WWC2: variants seen among roughly 807,000 people sequenced by gnomAD.
WWC2 encodes the protein protein WWC2.
WWC2 carries 101 observed loss-of-function variants against 138.5 expected under a neutral mutation model. The observed-to-expected ratio is 0.73, with a 90% CI of 0.62 to 0.86. The LOEUF is 0.86. Ranked by LOEUF, WWC2 falls within the 40% of genes least tolerant of loss-of-function variation. The probability of loss-of-function intolerance (pLI) is 0.00; values close to 1 mark genes in which losing one functional copy is unlikely to be tolerated. For synonymous variants in WWC2, 558 were observed against 538.4 expected (o/e 1.04, Z -0.50); for missense variants, 1,420 against 1,419.4 (o/e 1.00, Z -0.01).
At chr4:183,280,239 T>TG (rs1738022274) in intron 16 of WWC2, among the ~76,000 whole-genome samples, 6 of 147,072 alleles carry the variant, frequency 4.1e-5, no homozygotes, top group African/African-American at 1.3e-4. Context: ...GTTTTTTTTT[T>TG]TTTTTTTTTT....
intron 17 of WWC2, among the ~76,000 whole-genome samples, chr4:183,281,633 A>G (rs1738080079): frequency 1.3e-5 from 2 of 152,220 alleles, no homozygotes; most frequent in African/African-American, 4.8e-5. Flanking sequence ...GTGTGTATAT[A>G]GAAAACTTTT....
At chr4:183,255,350 G>A (rs1331864106) in intron 9 of WWC2, among the ~76,000 whole-genome samples, 1 of 152,146 alleles carries the variant, frequency 6.6e-6, no homozygotes. Context: ...GAAGGCAAGG[G>A]AGAATTAATT....
Position 183,106,418 on chromosome 4 carries a change from A to C in WWC2, c.131+6796A>C, listed in dbSNP as rs1743363137. 2.0e-5 allele frequency among the ~76,000 whole-genome samples: 3 copies of C among 152,248 alleles called. No homozygotes were observed. The South Asian group carries it at 6.2e-4, about 32-fold the overall frequency. On this transcript the variant is annotated intron_variant, in intron 1 of 22. Transcript: ENST00000403733. ...TTATTTTATCTTTATTAGATTAAAA[A>C]AATTCCTCAGCATAAAATTATTCAT...
chr4:183,271,224 G>A lies in WWC2; in HGVS notation c.2545G>A (p.Val849Ile), dbSNP rs781193913. Residue 849 changes from valine (V) to isoleucine (I), a missense_variant, in exon 16 of 23, where the codon GTA (valine) becomes ATA (isoleucine). By Grantham distance (29) the Val-to-Ile change is conservative. Coordinates refer to ENST00000403733, the MANE Select transcript of WWC2 (RefSeq NM_024949.6). ...DSVFQPNQPL[V>I]DSIDLDAVSA... ...TGTATTTCAACCAAACCAGCCGTTA[G>A]TAGATTCTATAGACTTGGTGAGTCA... is the stretch of plus-strand genomic sequence containing the variant. 13 of 1,611,092 alleles carry A rather than the reference G, an allele frequency of 8.1e-6. No individual in the cohort carries two copies. Among genetic ancestry groups the A allele is most frequent in the Middle Eastern group, 1.6e-4 (1 of 6,076 alleles).
chr4:183,113,524 GTGCGCGCGCACATGCA>G (rs1561420325), intron 1 of WWC2, among the ~76,000 whole-genome samples: 2 of 141,432 alleles, frequency 1.4e-5, no homozygotes, highest in Non-Finnish European at 3.0e-5. Flanking sequence ...GTGCGCGCGC[GTGCGCGCGCACATGCA>G]CGTGCATGCA....
chr4:183,175,880 A>G lies in WWC2; in HGVS notation c.132-17719A>G, dbSNP rs79394415. 4.4e-4 allele frequency among the ~76,000 whole-genome samples: 67 copies of G among 152,350 alleles called. No individual in the cohort carries two copies. In the East Asian group the frequency reaches 5.8e-3, roughly 13 times the overall value. On this transcript the variant is annotated intron_variant, in intron 1 of 22. Transcript: ENST00000403733. ...AGCCACGCAGTGCTTTGCACATTCA[A>G]TTAAAACAAAGAAGCAGTATTTGTC...
intron 6 of WWC2, among the ~76,000 whole-genome samples, chr4:183,247,514 AC>A (rs1344843604): frequency 5.9e-5 from 8 of 135,966 alleles, no homozygotes; most frequent in African/African-American, 2.5e-4. Context: ...CTATATATAC[AC>A]TATACTATAT....
At chr4:183,163,378 A>G (rs1002074410) in intron 1 of WWC2, among the ~76,000 whole-genome samples, 2 of 152,220 alleles carry the variant, frequency 1.3e-5, no homozygotes, top group African/African-American at 2.4e-5. Context: ...TCATCACCAG[A>G]AGAGAAGCCC....
At chr4:183,128,407 A>G (rs1425902646) in intron 1 of WWC2, among the ~76,000 whole-genome samples, 3 of 152,018 alleles carry the variant, frequency 2.0e-5, no homozygotes, top group Non-Finnish European at 4.4e-5. Flanking sequence ...TCAGCTACTC[A>G]AGAGTTTAAG....
intron 2 of WWC2, among the ~76,000 whole-genome samples, chr4:183,206,048 C>T (rs1735437384): frequency 6.6e-6 from 1 of 152,058 alleles, no homozygotes; most frequent in South Asian, 2.1e-4. Context: ...CTTCCCTCTC[C>T]CTGCAATTCA....
intron 1 of WWC2, among the ~76,000 whole-genome samples, chr4:183,190,645 G>T (rs1314112959): frequency 6.6e-6 from 1 of 151,916 alleles, no homozygotes; most frequent in African/African-American, 2.4e-5. Context: ...AAGGAACTCT[G>T]CAAAGAAATT....
intron 6 of WWC2, among the ~76,000 whole-genome samples, chr4:183,247,513 CACTAT>C (rs1227454966): frequency 7.2e-6 from 1 of 139,150 alleles, no homozygotes; most frequent in East Asian, 2.0e-4. Context: ...ACTATATATA[CACTAT>C]ACTATATATA....
chr4:183,226,095 CTTT>C (rs11321151), intron 4 of WWC2, among the ~76,000 whole-genome samples: 6 of 113,458 alleles, frequency 5.3e-5, no homozygotes, highest in Non-Finnish European at 1.0e-4. Context: ...CTTTTCTTTT[CTTT>C]TTTTTTTTTT....
chr4:183,117,574 T>G (rs1181216551), intron 1 of WWC2, among the ~76,000 whole-genome samples: 1 of 151,920 alleles, frequency 6.6e-6, no homozygotes, highest in African/African-American at 2.4e-5. Context: ...GGGTGTCTAC[T>G]ATAATCCAAG....
At chr4:183,136,409 T>G (rs576954448) in intron 1 of WWC2, among the ~76,000 whole-genome samples, 1 of 152,346 alleles carries the variant, frequency 6.6e-6, no homozygotes, top group Admixed American at 6.5e-5. Context: ...TTTTTAATTT[T>G]AGTTATATCT....
intron 2 of WWC2, 33 bp downstream of exon 2, chr4:183,193,741 T>C (rs1471768511): frequency 3.3e-6 from 5 of 1,537,128 alleles, no homozygotes; most frequent in Non-Finnish European, 4.5e-6. Flanking sequence ...AGCAAACATA[T>C]CAGAAAAGTA....
At chr4:183,166,056 G>C (rs527913701) in intron 1 of WWC2, among the ~76,000 whole-genome samples, 2 of 152,186 alleles carry the variant, frequency 1.3e-5, no homozygotes, top group Non-Finnish European at 1.5e-5. Context: ...AATAAATTGA[G>C]ATCTTGTGTT....
chr4:183,136,670 A>G (rs1333530632), intron 1 of WWC2, among the ~76,000 whole-genome samples: 1 of 152,230 alleles, frequency 6.6e-6, no homozygotes, highest in Non-Finnish European at 1.5e-5. Flanking sequence ...TGCCCAGGAC[A>G]GCTTTGAATG....
chr4:183,207,898 C>T, intron 2 of WWC2, 55 bp from the exon 3 acceptor site: 1 of 1,485,456 alleles, frequency 6.7e-7, no homozygotes, highest in South Asian at 1.4e-5. Flanking sequence ...AAAGCTTAAA[C>T]AAGCCGGAAA....
Sources: allele counts gnomAD v4.1 joint callset (sites outside exome capture counted in the v4.1 genomes callset), GRCh38; gene constraint gnomAD v4.1.1; transcripts MANE v1.5; gene names NCBI Gene and HGNC (gene_info 2026-07-23, HGNC 2026-07-21).